ARHGAP35: variants seen among roughly 807,000 people sequenced by gnomAD.
The protein encoded by ARHGAP35 is rho GTPase-activating protein 35.
Under a neutral mutation model 111.1 loss-of-function variants are expected in ARHGAP35, and 15 were observed. The observed-to-expected ratio is 0.13, with a 90% CI of 0.09 to 0.21. The LOEUF is 0.21. Among genes scored for constraint, ARHGAP35 ranks in the 10% least tolerant of loss-of-function variants. The pLI is 1.00. For synonymous variants in ARHGAP35, 643 were observed against 710.3 expected (o/e 0.91, Z 1.51); for missense variants, 1,262 against 1,873.0 (o/e 0.67, Z 6.02).
At chr19:46,967,111 A>ATTT (rs920916948) in intron 3 of ARHGAP35, among the ~76,000 whole-genome samples, 2 of 144,404 alleles carry the variant, frequency 1.4e-5, no homozygotes, top group Admixed American at 1.4e-4. Flanking sequence ...GGCTTTTCAG[A>ATTT]TTTTTTTTTT....
rs1417042399 is a variant in ARHGAP35 at position 46,921,975 on chromosome 19, A to G, written c.3300A>G (p.Glu1100=). The G allele has an allele frequency of 6.2e-7, 1 of 1,613,886 alleles. No homozygotes were observed. The highest frequency in any genetic ancestry group is 2.2e-5 in the East Asian group (1 of 44,898). Residue 1100 remains glutamate, a synonymous_variant, in exon 2 of 7, where the codon GAA becomes GAG. Coordinates refer to ENST00000672722, the MANE Select transcript of ARHGAP35 (RefSeq NM_004491.5). This position sits in a 1 kb window ranked among gnomAD's most constrained non-coding sequence, Gnocchi z 4.3. ...ATGCTGTGGTGAAGCCAAGGAATGA[A>G]GAAGAAAACATATACTCCGTGCCCC... ...PMDAVVKPRN[E]EENIYSVPHD... is the part of the protein sequence containing the mutation.
At chr19:46,975,160 A>G (rs1004263482) in intron 3 of ARHGAP35, among the ~76,000 whole-genome samples, 6 of 152,144 alleles carry the variant, frequency 3.9e-5, no homozygotes, top group Non-Finnish European at 8.8e-5. Flanking sequence ...ATGAGCCACC[A>G]TGCCTGGCCA....
chr19:46,963,592 GTC>G (rs2056496933), intron 3 of ARHGAP35, among the ~76,000 whole-genome samples: 1 of 152,170 alleles, frequency 6.6e-6, no homozygotes, highest in Non-Finnish European at 1.5e-5. Flanking sequence ...CATGCCAGTT[GTC>G]TGTGTCATCT....
At chr19:46,965,898 C>G (rs1313493491) in intron 3 of ARHGAP35, among the ~76,000 whole-genome samples, 1 of 152,172 alleles carries the variant, frequency 6.6e-6, no homozygotes, top group Admixed American at 6.5e-5. Context: ...AATTGAACAC[C>G]TGTTATGTGT....
intron 3 of ARHGAP35, among the ~76,000 whole-genome samples, chr19:46,941,159 A>C (rs1350818692): frequency 6.6e-6 from 1 of 152,170 alleles, no homozygotes; most frequent in Non-Finnish European, 1.5e-5. Flanking sequence ...TATCAGAAGG[A>C]TGTGAACCAA....
intron 1 of ARHGAP35, among the ~76,000 whole-genome samples, chr19:46,891,449 A>G (rs1300943589): frequency 1.4e-5 from 2 of 143,248 alleles, no homozygotes; most frequent in Admixed American, 1.4e-4. Flanking sequence ...TTTTTTTTAG[A>G]TGGAGTCTCG....
intron 1 of ARHGAP35, among the ~76,000 whole-genome samples, chr19:46,909,362 T>C (rs571327426): frequency 6.6e-6 from 1 of 152,334 alleles, no homozygotes; most frequent in Admixed American, 6.5e-5. Flanking sequence ...TGCGAGTTAC[T>C]AGCCCTTGAA....
At position 47,000,600 on chromosome 19, in the gene ARHGAP35, CGTCGCCCCCACA is replaced by C. The variant is rs2056741456; in HGVS notation, c.4419_4430del (p.Gln1475_Pro1478del). 6.2e-7 allele frequency: 1 copy of C among 1,613,318 alleles called. No individual in the cohort carries two copies. Among genetic ancestry groups the C allele is most frequent in the Non-Finnish European group, 8.5e-7 (1 of 1,179,744 alleles). On this transcript the variant is annotated inframe_deletion, in exon 7 of 7. Coordinates refer to ENST00000672722, the MANE Select transcript of ARHGAP35 (RefSeq NM_004491.5). This position sits in a 1 kb window ranked among gnomAD's most constrained non-coding sequence, Gnocchi z 6.9. ...ACTTCCACGCCTGTCACAAGTCAGC[CGTCGCCCCCACA>C]GTCGCCTCCACCCACCCCCCAGTCC...
chr19:46,943,074 T>G (rs1270695972), intron 3 of ARHGAP35, among the ~76,000 whole-genome samples: 1 of 151,624 alleles, frequency 6.6e-6, no homozygotes, highest in East Asian at 1.9e-4. Flanking sequence ...AGAGTCTCAC[T>G]CTGTCACTGA....
At chr19:46,873,044 G>C (rs945291209) in intron 1 of ARHGAP35, among the ~76,000 whole-genome samples, 1 of 152,158 alleles carries the variant, frequency 6.6e-6, no homozygotes, top group Non-Finnish European at 1.5e-5. Context: ...AGGTTGCAGA[G>C]AGGGGACTTG....
chr19:46,998,667 A>G (rs1167347514), intron 5 of ARHGAP35, among the ~76,000 whole-genome samples: 1 of 152,244 alleles, frequency 6.6e-6, no homozygotes, highest in Non-Finnish European at 1.5e-5. Context: ...TACAAGCTGC[A>G]TTCCAGGCAG....
chr19:46,913,771 T>G (rs1477993503), intron 1 of ARHGAP35, among the ~76,000 whole-genome samples: 1 of 152,236 alleles, frequency 6.6e-6, no homozygotes, highest in Non-Finnish European at 1.5e-5. Flanking sequence ...TAAAGGATCC[T>G]TCTTTCCCCT....
chr19:46,900,320 T>G (rs1007046958), intron 1 of ARHGAP35, among the ~76,000 whole-genome samples: 1 of 151,876 alleles, frequency 6.6e-6, no homozygotes, highest in Non-Finnish European at 1.5e-5. Flanking sequence ...CTCCCAGGTT[T>G]AAGTGATTCT....
rs2056183157 is a variant in ARHGAP35 at position 46,919,381 on chromosome 19, G to A, written c.706G>A (p.Val236Met). 2.5e-6 allele frequency: 4 copies of A among 1,613,802 alleles called. No individual in the cohort carries two copies. The highest frequency in any genetic ancestry group is 1.3e-5 in the African/African-American group (1 of 74,910). ...VETSARSNVN[V>M]DLAFSTLVQL... ...GACCTCAGCGAGATCCAATGTAAAC[G>A]TGGACTTGGCTTTCAGCACCTTAGT... The change falls in exon 2 of 7, where the codon GTG becomes ATG. Residue 236 changes from valine to methionine, a missense_variant. Physicochemically the swap from Val to Met is conservative, Grantham distance 21. Coordinates refer to ENST00000672722, the MANE Select transcript of ARHGAP35 (RefSeq NM_004491.5). The surrounding 1 kb of genome is among the most constrained non-coding windows in gnomAD (Gnocchi z 6.2).
At chr19:46,909,892 C>G (rs551046809) in intron 1 of ARHGAP35, among the ~76,000 whole-genome samples, 2 of 152,118 alleles carry the variant, frequency 1.3e-5, no homozygotes, top group South Asian at 4.1e-4. Flanking sequence ...GGTGATCTTC[C>G]CACCTGAGCC....
rs116170619 is a variant in ARHGAP35, at chr19:46,896,410, G to A, written c.-188-22078G>A. On this transcript the variant is annotated intron_variant, in intron 1 of 6. Coordinates refer to ENST00000672722, the MANE Select transcript of ARHGAP35 (RefSeq NM_004491.5). Reference sequence around the variant, plus strand: ...AATAAAAGCTAAGAAGGCAAGTTTTGTAATAGTACTTTGAGCAGCATAAGG... The same window carrying A: ...AATAAAAGCTAAGAAGGCAAGTTTTATAATAGTACTTTGAGCAGCATAAGG... 3.0e-3 allele frequency among the ~76,000 whole-genome samples: 463 copies of A among 152,320 alleles called. 4 individuals carry two copies. The highest frequency in any genetic ancestry group is 0.011 in the African/African-American group (441 of 41,574).
At chr19:46,952,874 C>A (rs539045728) in intron 3 of ARHGAP35, among the ~76,000 whole-genome samples, 1 of 152,070 alleles carries the variant, frequency 6.6e-6, no homozygotes, top group Non-Finnish European at 1.5e-5. Context: ...GATGGGGATT[C>A]GCCGTGTTGC....
chr19:46,963,284 G>T (rs574880489), intron 3 of ARHGAP35, among the ~76,000 whole-genome samples: 36 of 152,276 alleles, frequency 2.4e-4, no homozygotes, highest in African/African-American at 8.2e-4. Flanking sequence ...ATTATGCTGT[G>T]TTCTGAGTGC....
chr19:46,946,484 G>A (rs2056380221), intron 3 of ARHGAP35: 1 of 152,208 alleles, frequency 6.6e-6, no homozygotes, highest in Non-Finnish European at 1.5e-5. Context: ...TCTCAGGGCA[G>A]CACCTACCTG....
Sources: allele counts gnomAD v4.1 joint callset (sites outside exome capture counted in the v4.1 genomes callset), GRCh38; gene constraint gnomAD v4.1.1; non-coding constraint Gnocchi (gnomAD v3.1); transcripts MANE v1.5; gene names NCBI Gene and HGNC (gene_info 2026-07-23, HGNC 2026-07-21).